USP10: variants seen among roughly 807,000 people sequenced by gnomAD.
The protein encoded by USP10 is ubiquitin carboxyl-terminal hydrolase 10.
USP10 carries 22 observed loss-of-function variants against 84.5 expected under a neutral mutation model. The observed-to-expected ratio is 0.26, with a 90% confidence interval of 0.19 to 0.37. The LOEUF (loss-of-function observed/expected upper bound fraction) is 0.37. Among genes scored for constraint, USP10 ranks in the 10% least tolerant of loss-of-function variants. The probability of loss-of-function intolerance (pLI) is 1.00; values close to 1 mark genes in which losing one functional copy is unlikely to be tolerated. For missense variants in USP10, 1,019 were observed against 998.9 expected (o/e 1.02, Z -0.27); for synonymous variants, 454 against 387.6 (o/e 1.17, Z -2.01).
intron 5 of USP10, 128 bp from the exon 6 acceptor site, chr16:84,759,235 A>G: frequency 1.2e-6 from 1 of 800,816 alleles, no homozygotes; most frequent in African/African-American, 1.7e-5. Context: ...TTTCGTGGTG[A>G]CATATCTAAG....
chr16:84,777,881 TG>T (rs1201425286), intron 13 of USP10, among the ~76,000 whole-genome samples: 2 of 152,266 alleles, frequency 1.3e-5, no homozygotes, highest in Non-Finnish European at 2.9e-5. Flanking sequence ...CAGGCTGCCC[TG>T]TCATTCCCCG....
intron 1 of USP10, among the ~76,000 whole-genome samples, chr16:84,730,841 A>G (rs1367254036): frequency 1.3e-5 from 2 of 152,228 alleles, no homozygotes; most frequent in Non-Finnish European, 2.9e-5. Context: ...AAACCTTCCT[A>G]AAGAAAATAC....
chr16:84,772,643 A>T lies in USP10; in HGVS notation c.2101A>T (p.Ile701Phe), dbSNP rs893001148. ...YEKTGGCQKL[I>F]KNIEYPVDLE... is the part of the protein sequence containing the mutation. ...GAAGACTGGTGGGTGCCAGAAGCTTATCAAAAATATTGAATATCCTGTGGA... is the reference window on the plus strand; with the variant it reads ...GAAGACTGGTGGGTGCCAGAAGCTTTTCAAAAATATTGAATATCCTGTGGA... The change falls in exon 12 of 14, where the codon ATC (isoleucine) becomes TTC (phenylalanine). Residue 701 changes from isoleucine (I) to phenylalanine (F), a missense_variant. This residue lies in a region of USP10 where 232 missense variants were observed against 290.1 expected (regional missense o/e 0.80). Transcript: ENST00000219473. The T allele has an allele frequency of 4.3e-6, 7 of 1,614,040 alleles. No individual in the cohort carries two copies. Among genetic ancestry groups the T allele is most frequent in the Non-Finnish European group, 5.9e-6 (7 of 1,179,900 alleles).
At chr16:84,758,832 A>G (rs1419277812) in intron 5 of USP10, 25 bp downstream of exon 5, 3 of 1,555,376 alleles carry the variant, frequency 1.9e-6, no homozygotes, top group Non-Finnish European at 2.7e-6. Flanking sequence ...CGCCGTCCGC[A>G]AGGCCAGCTT....
chr16:84,721,084 G>C (rs574850151), intron 1 of USP10, among the ~76,000 whole-genome samples: 1 of 152,018 alleles, frequency 6.6e-6, no homozygotes, highest in East Asian at 1.9e-4. Context: ...AGTAAAGACG[G>C]GGTTTCACCA....
chr16:84,760,327 T>C, intron 8 of USP10, 52 bp downstream of exon 8: 1 of 1,485,938 alleles, frequency 6.7e-7, no homozygotes, highest in South Asian at 1.2e-5. Flanking sequence ...TTTGTTCCAG[T>C]GTTTGTGTGG....
chr16:84,763,174 GCC>G, intron 9 of USP10, 86 bp downstream of exon 9: 1 of 724,762 alleles, frequency 1.4e-6, no homozygotes, highest in South Asian at 2.2e-5. Context: ...TTGCTTCCCT[GCC>G]CCTCAGTCGT....
chr16:84,750,927 T>C (rs1041223406), intron 4 of USP10, among the ~76,000 whole-genome samples: 1 of 152,230 alleles, frequency 6.6e-6, no homozygotes, highest in Non-Finnish European at 1.5e-5. Flanking sequence ...AGTGGTTTTA[T>C]ACCTAAAAGG....
intron 1 of USP10, among the ~76,000 whole-genome samples, chr16:84,729,605 G>A (rs1908946654): frequency 6.6e-6 from 1 of 152,242 alleles, no homozygotes; most frequent in African/African-American, 2.4e-5. Context: ...TTGCAGAGAT[G>A]CTCTTAAACC....
chr16:84,777,891 C>T (rs185210954), intron 13 of USP10, among the ~76,000 whole-genome samples: 17 of 152,332 alleles, frequency 1.1e-4, no homozygotes, highest in South Asian at 2.1e-4. Context: ...TGTCATTCCC[C>T]GCGGAATGCT....
In USP10 at chr16:84,724,888, C is replaced by A. The variant is rs142741281; in HGVS notation, c.22-8547C>A. ...ATGTCCTCAGAACCACCCACACCAC[C>A]TTCTGAAGTTGAAAGCACACAATGA... On this transcript the variant is annotated intron_variant, in intron 1 of 13. Transcript: ENST00000219473. Among the ~76,000 whole-genome samples, 588 of 152,290 alleles carry A rather than the reference C, an allele frequency of 3.9e-3. 5 individuals carry two copies. The highest frequency in any genetic ancestry group is 0.014 in the African/African-American group (562 of 41,560).
rs561619101 is a variant in USP10 at position 84,727,807 on chromosome 16, T to C, written c.22-5628T>C. Among the ~76,000 whole-genome samples the C allele has an allele frequency of 3.3e-5, 5 of 152,372 alleles. No individual in the cohort carries two copies. The East Asian group carries it at 9.6e-4, about 29-fold the overall frequency. On this transcript the variant is annotated intron_variant, in intron 1 of 13. Transcript: ENST00000219473. ...TTCTTGAATGTGTATTTCCTAAGAA[T>C]AGGCATATTCTCTTAAATAACCACA...
chr16:84,712,902 C>G (rs1016082044), intron 1 of USP10, among the ~76,000 whole-genome samples: 1 of 152,182 alleles, frequency 6.6e-6, no homozygotes, highest in African/African-American at 2.4e-5. Context: ...AGAGAGAATG[C>G]CTTCACCAGA....
At chr16:84,753,385 T>C (rs555866604) in intron 4 of USP10, among the ~76,000 whole-genome samples, 10 of 152,362 alleles carry the variant, frequency 6.6e-5, no homozygotes, top group African/African-American at 2.4e-4. Context: ...CTCACATAAA[T>C]TCATTTGCTT....
At chr16:84,759,694 C>T (rs759382380) in intron 6 of USP10, 197 bp from the exon 7 acceptor site, 10 of 681,266 alleles carry the variant, frequency 1.5e-5, no homozygotes, top group South Asian at 9.8e-5. Context: ...AATATTTTAG[C>T]GTTTACCAGC....
chr16:84,721,591 G>C (rs894756801), intron 1 of USP10, among the ~76,000 whole-genome samples: 1 of 152,190 alleles, frequency 6.6e-6, no homozygotes, highest in Non-Finnish European at 1.5e-5. Context: ...GCAGTGGTGT[G>C]ATCATAGCTC....
intron 1 of USP10, chr16:84,733,145 A>G (rs1326881623): frequency 9.9e-6 from 5 of 504,484 alleles, no homozygotes; most frequent in Admixed American, 9.2e-5. Flanking sequence ...ACCAATAAAA[A>G]TCTCCTGCAA....
intron 8 of USP10, among the ~76,000 whole-genome samples, chr16:84,762,490 A>G (rs1913318617): frequency 6.6e-6 from 1 of 152,202 alleles, no homozygotes; most frequent in South Asian, 2.1e-4. Context: ...CAGGAGTTTG[A>G]GACCAGCCTG....
chr16:84,724,927 A>G (rs957834238), intron 1 of USP10, among the ~76,000 whole-genome samples: 1 of 152,200 alleles, frequency 6.6e-6, no homozygotes, highest in Admixed American at 6.5e-5. Context: ...TTCAGTAGAT[A>G]TCAGCTAGCA....
Sources: gnomAD v4.1 joint callset for allele counts (sites outside exome capture counted in the v4.1 genomes callset) on GRCh38, gnomAD v4.1.1 for gene constraint, gnomAD v4.1.1 regional missense constraint, MANE v1.5 for transcripts, NCBI Gene and HGNC (gene_info 2026-07-23, HGNC 2026-07-21) for gene names.